ZP3: variants seen among roughly 807,000 people sequenced by gnomAD.
ZP3 encodes zona pellucida sperm-binding protein 3.
A neutral mutation model predicts 35.6 loss-of-function variants in ZP3; 21 were observed. That is an observed-to-expected ratio of 0.59 (90% CI 0.42 to 0.85). The LOEUF (loss-of-function observed/expected upper bound fraction) is 0.85. ZP3 is among the 40% of genes least tolerant of loss of function. ZP3 has a pLI of 0.00. For missense variants in ZP3, 437 were observed against 536.5 expected, an observed-to-expected ratio of 0.81 and a Z score of 1.83; for synonymous variants, 207 against 214.5, an observed-to-expected ratio of 0.96 and a Z score of 0.31.
chr7:76,414,261 T>C (rs1456089857), intron 1 of ZP3, among the ~76,000 whole-genome samples: 1 of 152,136 alleles, frequency 6.6e-6, no homozygotes, highest in Non-Finnish European at 1.5e-5. Flanking sequence ...CGTCCCAAAG[T>C]GCTGGGATTA....
chr7:76,429,632 A>G lies in ZP3; in HGVS notation c.430A>G (p.Arg144Gly). ...GATTCCCATCGAGTGCCGCTACCCCAGGTCGGTGTGGGACTGACTCATGGC... is the reference window on the plus strand; with the variant it reads ...GATTCCCATCGAGTGCCGCTACCCCGGGTCGGTGTGGGACTGACTCATGGC... ...AEIPIECRYP[R>G]QGNVSSQAIL... is the part of the protein sequence containing the mutation. The change falls in exon 2 of 8, where the codon AGG (arginine) becomes GGG (glycine). Residue 144 changes from arginine (R) to glycine (G), a missense_variant and splice_region_variant. By Grantham distance (125) the Arg-to-Gly change is moderately radical. Transcript: ENST00000394857. 6.2e-7 allele frequency: 1 copy of G among 1,613,824 alleles called. No individual in the cohort carries two copies. Among genetic ancestry groups the G allele is most frequent in the Non-Finnish European group, 8.5e-7 (1 of 1,179,792 alleles).
chr7:76,436,618 C>A (rs567765057), intron 5 of ZP3, among the ~76,000 whole-genome samples: 19 of 152,330 alleles, frequency 1.2e-4, no homozygotes, highest in Non-Finnish European at 2.2e-4. Context: ...GGAAAAGCAT[C>A]TAATATTGAT....
In ZP3 at chr7:76,412,056, G is replaced by A. The variant is rs575895541; in HGVS notation, c.-66-12996G>A. On this transcript the variant is annotated intron_variant, in intron 1 of 8. Coordinates refer to the ZP3 transcript ENST00000336517. ...AAAATAAAATAATTAGCCAGGCATG[G>A]TGATTCTTGTGGACCCAGCTACACG... Among the ~76,000 whole-genome samples, 3 of 151,790 alleles carry A rather than the reference G, an allele frequency of 2.0e-5. No homozygotes were observed. The South Asian group carries it at 6.2e-4, about 32-fold the overall frequency.
chr7:76,397,720 A>T, exon 1 of ZP3: 1 of 1,613,382 alleles, frequency 6.2e-7, no homozygotes, highest in Non-Finnish European at 8.5e-7. Context: ...CCACAGCGGC[A>T]TCCGGCAGCC....
At chr7:76,400,326 G>A (rs1408688793) in intron 1 of ZP3, 17 of 1,504,192 alleles carry the variant, frequency 1.1e-5, no homozygotes, top group Non-Finnish European at 1.4e-5. Context: ...GAAAGCAATT[G>A]TGGACGCCCC....
intron 2 of ZP3, among the ~76,000 whole-genome samples, chr7:76,431,855 T>C (rs138330628): frequency 0.041 from 6,124 of 149,154 alleles, 375 homozygotes; most frequent in African/African-American, 0.14. Flanking sequence ...GCCGAGATCG[T>C]GCCACTGTAC....
chr7:76,436,029 C>A (rs1584070598), intron 5 of ZP3, among the ~76,000 whole-genome samples: 1 of 128,100 alleles, frequency 7.8e-6, no homozygotes, highest in Non-Finnish European at 1.7e-5. Flanking sequence ...CCCCCCGCCC[C>A]CTTTTTTTTT....
chr7:76,408,048 C>T (rs1444932378), intron 1 of ZP3, among the ~76,000 whole-genome samples: 1 of 152,168 alleles, frequency 6.6e-6, no homozygotes, highest in Non-Finnish European at 1.5e-5. Context: ...CTAGGAGCAT[C>T]CATTTGGCTC....
In ZP3 at chr7:76,440,513, G is replaced by T; in HGVS notation, c.962G>T (p.Cys321Phe). 1 of 1,614,166 alleles carries T rather than the reference G, an allele frequency of 6.2e-7. No homozygotes were observed. The highest frequency in any genetic ancestry group is 8.5e-7 in the Non-Finnish European group (1 of 1,180,026). The change falls in exon 7 of 8, where the codon TGC becomes TTC. Residue 321 changes from cysteine (C) to phenylalanine (F), a missense_variant. This residue lies in a region of ZP3 where 41 missense variants were observed against 50.2 expected (regional missense o/e 0.82). Transcript: ENST00000394857. Reference sequence around the variant, plus strand: ...GAAGGCTCGGCTGACATCTGTCAATGCTGTAACAAAGGTGACTGTGGCACT... The same window carrying T: ...GAAGGCTCGGCTGACATCTGTCAATTCTGTAACAAAGGTGACTGTGGCACT... ...PVEGSADICQ[C>F]CNKGDCGTPS...
chr7:76,411,261 G>A (rs1177359308), intron 1 of ZP3, among the ~76,000 whole-genome samples: 4 of 151,960 alleles, frequency 2.6e-5, no homozygotes, highest in African/African-American at 7.3e-5. Context: ...GCAAGCTCTC[G>A]TCTTTCCCAT....
chr7:76,432,816 G>A (rs999634250), intron 2 of ZP3, 111 bp from the exon 3 acceptor site: 3 of 847,058 alleles, frequency 3.5e-6, no homozygotes, highest in Non-Finnish European at 5.6e-6. Flanking sequence ...TACCTGGCTG[G>A]GCCATAGCTG....
chr7:76,405,712 G>A (rs576610867), intron 1 of ZP3, among the ~76,000 whole-genome samples: 3 of 152,230 alleles, frequency 2.0e-5, no homozygotes, highest in Non-Finnish European at 4.4e-5. Flanking sequence ...TGAAAAAGAT[G>A]CTGCTTGGAT....
chr7:76,421,015 A>G (rs1805491768), upstream of ZP3, among the ~76,000 whole-genome samples: 1 of 151,546 alleles, frequency 6.6e-6, no homozygotes. Flanking sequence ...AGCTCACTGC[A>G]ACCTCCACCT....
chr7:76,410,538 G>C (rs888630096), intron 1 of ZP3, among the ~76,000 whole-genome samples: 2 of 151,572 alleles, frequency 1.3e-5, no homozygotes, highest in African/African-American at 4.9e-5. Context: ...ATGTTGAGAA[G>C]CTCCTGAGGA....
chr7:76,413,070 C>A (rs1805288610), intron 1 of ZP3, among the ~76,000 whole-genome samples: 1 of 145,828 alleles, frequency 6.9e-6, no homozygotes, highest in South Asian at 2.3e-4. Flanking sequence ...TCAAACGATT[C>A]TCCTCCTTCA....
rs551413189 is a variant in ZP3 at position 76,429,919 on chromosome 7, G to T, written c.431+286G>T. On this transcript the variant is annotated intron_variant, in intron 2 of 7. Transcript: ENST00000394857. ...CCTCGGCCCTTAGGGTTCAGAAATG[G>T]CCTTCCAATAGTGCTAGGCTGGGGC... Among the ~76,000 whole-genome samples the T allele has an allele frequency of 8.5e-5, 13 of 152,226 alleles. No individual in the cohort carries two copies. In the South Asian group the frequency reaches 1.2e-3, roughly 15 times the overall value.
rs927270553 is a variant in ZP3 at position 76,410,273 on chromosome 7, C to T, written c.-67+12476C>T. ...CTTGAAATCCTGACCTCAAGGGATC[C>T]GCCTGCCTCGGCCTCCCAAAGTGCT... On this transcript the variant is annotated intron_variant, in intron 1 of 8. Coordinates refer to the ZP3 transcript ENST00000336517. Among the ~76,000 whole-genome samples, 19 of 152,048 alleles carry T rather than the reference C, an allele frequency of 1.2e-4. 1 individual carries two copies. Among genetic ancestry groups the T allele is most frequent in the South Asian group, 6.2e-4 (3 of 4,814 alleles).
rs766899317 is a variant in ZP3 at position 76,403,347 on chromosome 7, C to CTTTTTTTTT, written c.-67+5558_-67+5559insTTTTTTTTT. Among the ~76,000 whole-genome samples the CTTTTTTTTT allele has an allele frequency of 1.1e-4, 17 of 149,614 alleles. 4 individuals carry two copies. The highest frequency in any genetic ancestry group is 1.9e-4 in the Non-Finnish European group (13 of 67,130). The stretch of plus-strand genomic sequence containing the variant: ...TGATGAAGAAACTGAGACTCCACTT[C>CTTTTTTTTT]TTTTTTTTGAGACAGAGTCTCGCCC... On this transcript the variant is annotated intron_variant, in intron 1 of 8. Coordinates refer to the ZP3 transcript ENST00000336517.
chr7:76,400,186 G>A lies in ZP3; in HGVS notation c.-67+2389G>A, dbSNP rs920960543. 1.0e-5 allele frequency: 13 copies of A among 1,303,508 alleles called. No individual in the cohort carries two copies. In the Admixed American group the frequency reaches 1.2e-4, roughly 12 times the overall value. 80.7% of individuals were successfully genotyped at this position (1,303,508 alleles called of 1,614,324 possible). A position where few individuals can be genotyped will look rare whatever the true frequency, so the allele number is the denominator to read the frequency against. On this transcript the variant is annotated intron_variant, in intron 1 of 8. Transcript: ENST00000336517. ...TGTAGCCTCTGGCCTGATCTGCATG[G>A]AACAGCCTTACCTGTGGGAAGTCCC...
Sources: gnomAD v4.1 joint callset for allele counts (sites outside exome capture counted in the v4.1 genomes callset) on GRCh38, gnomAD v4.1.1 for gene constraint, gnomAD v4.1.1 regional missense constraint, MANE v1.5 for transcripts, NCBI Gene and HGNC (gene_info 2026-07-23, HGNC 2026-07-21) for gene names.